Variants in MYO9B observed in about 807,000 individuals in gnomAD.
The protein encoded by MYO9B is unconventional myosin-IXb.
Under a neutral mutation model 229.5 loss-of-function variants are expected in MYO9B, and 71 were observed. The ratio of observed to expected loss-of-function variants is 0.31; its 90% confidence interval spans 0.26 to 0.38. The LOEUF (loss-of-function observed/expected upper bound fraction) is 0.38, where lower values mean the gene tolerates loss of function less well. Ranked by LOEUF, MYO9B falls within the 10% of genes least tolerant of loss-of-function variation. MYO9B has a pLI of 1.00. For missense variants in MYO9B, 2,255 were observed against 2,920.5 expected (o/e 0.77, Z 5.25); for synonymous variants, 1,185 against 1,235.8 (o/e 0.96, Z 0.86).
At chr19:17,113,077 G>A (rs1340420986) in intron 2 of MYO9B, among the ~76,000 whole-genome samples, 2 of 152,220 alleles carry the variant, frequency 1.3e-5, no homozygotes, top group African/African-American at 4.8e-5. Flanking sequence ...AGCAATACCT[G>A]CAGTCAGCAC....
At chr19:17,085,798 T>C (rs2057576831) in intron 1 of MYO9B, among the ~76,000 whole-genome samples, 1 of 152,144 alleles carries the variant, frequency 6.6e-6, no homozygotes, top group Non-Finnish European at 1.5e-5. Context: ...GAGACCCCTG[T>C]TCTTACCCTG....
At position 17,212,121 on chromosome 19, in the gene MYO9B, G is replaced by A. The variant is rs1188842525; in HGVS notation, c.6285G>A (p.Arg2095=). 1 of 1,589,766 alleles carries A rather than the reference G, an allele frequency of 6.3e-7. No homozygotes were observed. The highest frequency in any genetic ancestry group is 1.3e-5 in the African/African-American group (1 of 74,420). Residue 2095 remains arginine (R), a synonymous_variant, in exon 40 of 40, where the codon CGG becomes CGA. Transcript: ENST00000682292. The surrounding 1 kb of genome is among the most constrained non-coding windows in gnomAD (Gnocchi z 5.4). ...PGAREAAAPV[R]RREPPARRPD... ...CCCGGGAGGCGGCTGCCCCAGTGCG[G>A]CGCCGGGAGCCACCTGCCCGCCGCC...
chr19:17,175,785 C>A, intron 14 of MYO9B, 44 bp downstream of exon 14: 2 of 1,368,226 alleles, frequency 1.5e-6, no homozygotes, highest in Non-Finnish European at 2.0e-6. Context: ...CATTAGGTGG[C>A]AGCAGCATTG....
At chr19:17,137,374 C>A (rs1175784001) in intron 2 of MYO9B, among the ~76,000 whole-genome samples, 1 of 151,994 alleles carries the variant, frequency 6.6e-6, no homozygotes, top group Admixed American at 6.6e-5. Flanking sequence ...CCAGTCTGGG[C>A]GACAGAGTGA....
chr19:17,158,951 T>C (rs2072568130), intron 7 of MYO9B, among the ~76,000 whole-genome samples: 1 of 152,190 alleles, frequency 6.6e-6, no homozygotes, highest in Non-Finnish European at 1.5e-5. Flanking sequence ...CCCAGCACTT[T>C]GGGAGGCCCA....
At chr19:17,197,640 C>A (rs1458009321) in intron 22 of MYO9B, among the ~76,000 whole-genome samples, 152 bp from the exon 23 acceptor site, 2 of 152,180 alleles carry the variant, frequency 1.3e-5, no homozygotes, top group African/African-American at 4.8e-5. Flanking sequence ...TCCCCCCACC[C>A]AAGTGGTGAC....
chr19:17,121,162 C>G (rs1323420641), intron 2 of MYO9B, among the ~76,000 whole-genome samples: 1 of 152,122 alleles, frequency 6.6e-6, no homozygotes, highest in East Asian at 1.9e-4. Flanking sequence ...AGCCTGGTCT[C>G]GAACTCCTGG....
chr19:17,205,463 C>T, intron 31 of MYO9B, 127 bp downstream of exon 31: 3 of 846,244 alleles, frequency 3.5e-6, no homozygotes, highest in Non-Finnish European at 5.7e-6. Flanking sequence ...GCTGTGGCCT[C>T]TGGTTCTGCA....
chr19:17,205,127 A>C, intron 30 of MYO9B, 136 bp from the exon 31 acceptor site: 1 of 630,242 alleles, frequency 1.6e-6, no homozygotes, highest in East Asian at 2.8e-5. Context: ...CTCTAGCCTG[A>C]GAACAAGAGT....
chr19:17,160,548 C>T lies in MYO9B; in HGVS notation c.1419+1064C>T, dbSNP rs1227232946. Among the ~76,000 whole-genome samples the T allele has an allele frequency of 4.4e-5, 6 of 135,660 alleles. No homozygotes were observed. In the South Asian group the frequency reaches 6.9e-4, roughly 16 times the overall value. The allele number at this position is 135,660 out of a possible 152,430, so 89.0% of individuals were successfully genotyped here. A position where few individuals can be genotyped will look rare whatever the true frequency, so the allele number is the denominator to read the frequency against. On this transcript the variant is annotated intron_variant, in intron 8 of 39. Transcript: ENST00000682292. ...TTTTTGAGATAGCGTCTCACTGTTG[C>T]GCAGGCTGGAGTGTAGTGGCACAAT... is the stretch of plus-strand genomic sequence containing the variant.
intron 2 of MYO9B, among the ~76,000 whole-genome samples, chr19:17,127,288 T>A (rs1335594123): frequency 6.9e-6 from 1 of 145,610 alleles, no homozygotes; most frequent in Non-Finnish European, 1.5e-5. Context: ...ACAGGCATGA[T>A]CCACCATGCC....
Position 17,201,982 on chromosome 19 carries a change from C to A in MYO9B, c.4620C>A (p.Thr1540=). The A allele has an allele frequency of 1.2e-6, 2 of 1,612,986 alleles. No homozygotes were observed. Among genetic ancestry groups the A allele is most frequent in the Non-Finnish European group, 1.7e-6 (2 of 1,179,576 alleles). Residue 1540 remains threonine, a synonymous_variant, in exon 27 of 40, where the codon ACC becomes ACA. Transcript: ENST00000682292. The part of the protein sequence containing the change: ...TPIESLFIEA[T]EKFRSNIKTM... Reference sequence around the variant, plus strand: ...TTGAGAGCTTGTTTATCGAAGCCACCGAGAAGTTCAGGAGCAACATCAAAA... The same window carrying A: ...TTGAGAGCTTGTTTATCGAAGCCACAGAGAAGTTCAGGAGCAACATCAAAA...
rs1305863879 is a variant in MYO9B at position 17,102,394 on chromosome 19, T to G, written c.677T>G (p.Met226Arg). ...FALADVAYYT[M>R]LRKRVNQCIV... ...CTGGCCGACGTGGCCTACTACACCA[T>G]GCTCAGGAAGCGCGTGAACCAGTGC... Residue 226 changes from methionine (M) to arginine (R), a missense_variant, in exon 2 of 40, where the codon ATG becomes AGG. Met to Arg is a moderately conservative substitution (Grantham distance 91). Transcript: ENST00000682292. The G allele has an allele frequency of 6.2e-7, 1 of 1,613,940 alleles. No individual in the cohort carries two copies. The highest frequency in any genetic ancestry group is 2.2e-5 in the East Asian group (1 of 44,874).
intron 36 of MYO9B, among the ~76,000 whole-genome samples, 187 bp from the exon 37 acceptor site, chr19:17,210,146 C>T (rs1464761395): frequency 2.0e-5 from 3 of 152,152 alleles, no homozygotes; most frequent in East Asian, 1.9e-4. Flanking sequence ...GCCCTACCCA[C>T]GGGGAAATGT....
intron 3 of MYO9B, among the ~76,000 whole-genome samples, chr19:17,147,341 A>G (rs140033558): frequency 0.029 from 4,340 of 152,110 alleles, 99 homozygotes; most frequent in Middle Eastern, 0.071. Context: ...TCGGGAGTTC[A>G]AGACCAGCCT....
At chr19:17,176,282 C>T (rs8113789) in intron 14 of MYO9B, among the ~76,000 whole-genome samples, 16,335 of 151,678 alleles carry the variant, frequency 0.11, 1,098 homozygotes, top group Middle Eastern at 0.15. Flanking sequence ...GTGATCCACC[C>T]GCCTCAGCCT....
At chr19:17,146,403 A>G (rs949702302) in intron 3 of MYO9B, among the ~76,000 whole-genome samples, 18 of 151,440 alleles carry the variant, frequency 1.2e-4, no homozygotes, top group Non-Finnish European at 2.2e-4. Context: ...GGATGGATGG[A>G]TGGGTGGGTG....
chr19:17,179,508 C>A (rs2072831550), intron 14 of MYO9B, among the ~76,000 whole-genome samples: 3 of 148,774 alleles, frequency 2.0e-5, no homozygotes, highest in Non-Finnish European at 4.4e-5. Flanking sequence ...CTCACTACAA[C>A]CTCTGCCTCC....
chr19:17,188,377 C>T (rs1235657284), intron 19 of MYO9B, among the ~76,000 whole-genome samples: 3 of 137,350 alleles, frequency 2.2e-5, no homozygotes, highest in Admixed American at 8.4e-5. Context: ...TGCAGTGAGC[C>T]AAGATTGAGC....
Sources: gnomAD v4.1 joint callset for allele counts (sites outside exome capture counted in the v4.1 genomes callset) on GRCh38, gnomAD v4.1.1 for gene constraint, Gnocchi (gnomAD v3.1) non-coding constraint, MANE v1.5 for transcripts, NCBI Gene and HGNC (gene_info 2026-07-23, HGNC 2026-07-21) for gene names.